CHN1: variants seen among roughly 807,000 people sequenced by gnomAD.
CHN1 encodes N-chimaerin.
A neutral mutation model predicts 59.5 loss-of-function variants in CHN1; 37 were observed. The ratio of observed to expected loss-of-function variants is 0.62; its 90% confidence interval spans 0.48 to 0.82. The LOEUF (loss-of-function observed/expected upper bound fraction) is 0.82. CHN1 is among the 40% of genes least tolerant of loss of function. CHN1 has a pLI of 0.00. For missense variants in CHN1, 469 were observed against 571.0 expected, an observed-to-expected ratio of 0.82 and a Z score of 1.82; for synonymous variants, 206 against 200.4, an observed-to-expected ratio of 1.03 and a Z score of -0.24.
At chr2:174,950,728 G>C (rs934908752) in intron 2 of CHN1, among the ~76,000 whole-genome samples, 4 of 151,270 alleles carry the variant, frequency 2.6e-5, no homozygotes, top group Admixed American at 1.3e-4. Flanking sequence ...CAGGGTGCAA[G>C]TCAGAGTCAG....
Position 174,985,228 on chromosome 2 carries a change from C to A in CHN1, c.19+19666G>T, listed in dbSNP as rs572758534. On this transcript the variant is annotated intron_variant, in intron 1 of 12. Transcript: ENST00000409900. ...TGACAAGATTTCAGAAAGCAATAAA[C>A]AATATAAAACTTCCCTACCAACCTC... Among the ~76,000 whole-genome samples, 687 of 152,240 alleles carry A rather than the reference C, an allele frequency of 4.5e-3. 2 individuals carry two copies. The highest frequency in any genetic ancestry group is 8.1e-3 in the Non-Finnish European group (552 of 67,974).
chr2:174,983,290 A>C (rs1419544822), intron 1 of CHN1, among the ~76,000 whole-genome samples: 3 of 152,172 alleles, frequency 2.0e-5, no homozygotes, highest in African/African-American at 7.2e-5. Context: ...GTTTTAAAAA[A>C]AGTTGTAATC....
chr2:174,864,035 T>C (rs1386626665), intron 6 of CHN1, among the ~76,000 whole-genome samples: 2 of 152,204 alleles, frequency 1.3e-5, no homozygotes, highest in African/African-American at 4.8e-5. Flanking sequence ...AATCTTTCAG[T>C]GTTACTGATT....
chr2:175,003,503 T>C (rs1451206862), intron 1 of CHN1, among the ~76,000 whole-genome samples: 1 of 152,200 alleles, frequency 6.6e-6, no homozygotes, highest in Non-Finnish European at 1.5e-5. Flanking sequence ...TTGTAAACCT[T>C]ACTTCTGAAA....
chr2:174,880,819 G>A (rs925556284), intron 5 of CHN1, among the ~76,000 whole-genome samples: 17 of 152,092 alleles, frequency 1.1e-4, no homozygotes, highest in Admixed American at 2.0e-4. Context: ...AGGCTGAGGC[G>A]GGCGGATCAC....
At chr2:174,931,167 G>A (rs917557730) in intron 3 of CHN1, among the ~76,000 whole-genome samples, 1 of 151,734 alleles carries the variant, frequency 6.6e-6, no homozygotes, top group African/African-American at 2.4e-5. Flanking sequence ...GTGATAGGAT[G>A]ATTTTTAAAT....
At chr2:174,858,115 T>C (rs1327250615) in intron 6 of CHN1, among the ~76,000 whole-genome samples, 3 of 152,122 alleles carry the variant, frequency 2.0e-5, no homozygotes, top group Non-Finnish European at 4.4e-5. Context: ...GGTTGTATTT[T>C]TAGTTTTCTC....
intron 6 of CHN1, among the ~76,000 whole-genome samples, chr2:174,853,601 T>G (rs1236220585): frequency 2.0e-5 from 3 of 152,186 alleles, no homozygotes; most frequent in Non-Finnish European, 2.9e-5. Context: ...ACTAGGTATA[T>G]ACCCAAAGGA....
chr2:174,833,637 C>T (rs1685956570), intron 7 of CHN1, among the ~76,000 whole-genome samples: 1 of 152,098 alleles, frequency 6.6e-6, no homozygotes, highest in African/African-American at 2.4e-5. Flanking sequence ...TTTAATGTAA[C>T]TATCAACCTG....
At chr2:174,993,985 C>T (rs1018109962) in intron 1 of CHN1, among the ~76,000 whole-genome samples, 4 of 152,074 alleles carry the variant, frequency 2.6e-5, no homozygotes, top group East Asian at 3.8e-4. Context: ...TTTCAGACCT[C>T]GAAAAGGTTA....
intron 5 of CHN1, among the ~76,000 whole-genome samples, chr2:174,902,635 G>T (rs1205655536): frequency 6.6e-6 from 1 of 152,026 alleles, no homozygotes; most frequent in Non-Finnish European, 1.5e-5. Context: ...ACAACAAGAA[G>T]GTTTGCAGGA....
intron 1 of CHN1, among the ~76,000 whole-genome samples, chr2:174,992,486 A>G (rs80102489): frequency 0.04 from 6,156 of 152,350 alleles, 446 homozygotes; most frequent in African/African-American, 0.14. Context: ...ATGTCTCAAA[A>G]GACGAGAGAA....
chr2:174,837,878 C>T (rs1280672377), intron 7 of CHN1, among the ~76,000 whole-genome samples: 1 of 152,082 alleles, frequency 6.6e-6, no homozygotes. Flanking sequence ...TCTTTTTCTA[C>T]TTTCTATCCT....
intron 7 of CHN1, among the ~76,000 whole-genome samples, chr2:174,838,977 A>T (rs1002682707): frequency 2.6e-5 from 4 of 151,970 alleles, no homozygotes; most frequent in African/African-American, 9.7e-5. Flanking sequence ...AGATTGTGCC[A>T]CTGCACTCCA....
chr2:174,801,465 A>T (rs952568348), intron 12 of CHN1, among the ~76,000 whole-genome samples: 5 of 152,254 alleles, frequency 3.3e-5, no homozygotes, highest in African/African-American at 4.8e-5. Flanking sequence ...TTTCTAGCAT[A>T]TCTGAAAACA....
intron 4 of CHN1, 100 bp from the exon 5 acceptor site, chr2:174,915,271 A>T: frequency 1.1e-6 from 1 of 898,514 alleles, no homozygotes; most frequent in Non-Finnish European, 1.8e-6. Flanking sequence ...TGTTGTTTTC[A>T]AGACAAAGTA....
chr2:174,842,602 A>G (rs1686351862), intron 7 of CHN1, among the ~76,000 whole-genome samples: 1 of 152,148 alleles, frequency 6.6e-6, no homozygotes, highest in African/African-American at 2.4e-5. Flanking sequence ...TGTGAACCAA[A>G]TGAAGACCAA....
At chr2:174,974,906 C>A (rs1690874420) in intron 1 of CHN1, among the ~76,000 whole-genome samples, 1 of 121,190 alleles carries the variant, frequency 8.3e-6, no homozygotes, top group Non-Finnish European at 2.0e-5. Flanking sequence ...AATACACACA[C>A]ACACACACAC....
chr2:174,990,355 G>A (rs1379733965), intron 1 of CHN1, among the ~76,000 whole-genome samples: 1 of 149,810 alleles, frequency 6.7e-6, no homozygotes, highest in Non-Finnish European at 1.5e-5. Context: ...TGGAGAGGGA[G>A]GGAGAAGAGA....
Sources: allele counts gnomAD v4.1 joint callset (sites outside exome capture counted in the v4.1 genomes callset), GRCh38; gene constraint gnomAD v4.1.1; transcripts MANE v1.5; gene names NCBI Gene and HGNC (gene_info 2026-07-23, HGNC 2026-07-21).